ALG9: variants seen among roughly 807,000 people sequenced by gnomAD.
ALG9 encodes ALG9 alpha-1,2-mannosyltransferase.
ALG9 carries 55 observed loss-of-function variants against 81.8 expected under a neutral mutation model. The ratio of observed to expected loss-of-function variants is 0.67; its 90% CI spans 0.54 to 0.84. The LOEUF is 0.84. Among genes scored for constraint, ALG9 ranks in the 40% least tolerant of loss-of-function variants. The probability of loss-of-function intolerance (pLI) is 0.00; values close to 1 mark genes in which losing one functional copy is unlikely to be tolerated. For missense variants in ALG9, 629 were observed against 745.0 expected (o/e 0.84, Z 1.81); for synonymous variants, 278 against 274.3 (o/e 1.01, Z -0.13).
At position 111,870,390 on chromosome 11, in the gene ALG9, A is replaced by G; in HGVS notation, c.132-20T>C. ...GATAACCTGTTCAAAAGCAAAAAAA[A>G]AAAAAAAAAAAAAAGCATGTCAGGA... is the stretch of plus-strand genomic sequence containing the variant. On this transcript the variant is annotated intron_variant, in intron 1 of 14. Coordinates refer to ENST00000616540, the MANE Select transcript of ALG9 (RefSeq NM_024740.2). The G allele has an allele frequency of 6.6e-7, 1 of 1,504,798 alleles. No homozygotes were observed. The highest frequency in any genetic ancestry group is 8.9e-7 in the Non-Finnish European group (1 of 1,129,534). The allele number at this position is 1,504,798 out of a possible 1,614,324, so 93.2% of individuals were successfully genotyped here. A position where few individuals can be genotyped will look rare whatever the true frequency, so the allele number is the denominator to read the frequency against.
rs546089281 is a variant in ALG9, at chr11:111,870,382, C to G, written c.132-12G>C. 2 of 973,966 alleles carry G rather than the reference C, an allele frequency of 2.1e-6. No individual in the cohort carries two copies. The highest frequency in any genetic ancestry group is 9.2e-5 in the Admixed American group (1 of 10,856). The allele number at this position is 973,966 out of a possible 1,614,324, so 60.3% of individuals were successfully genotyped here. A position where few individuals can be genotyped will look rare whatever the true frequency, so the allele number is the denominator to read the frequency against. On this transcript the variant is annotated splice_polypyrimidine_tract_variant and intron_variant, in intron 1 of 14. Coordinates refer to ENST00000616540, the MANE Select transcript of ALG9 (RefSeq NM_024740.2). ...TGTTCCCAGATAACCTGTTCAAAAG[C>G]AAAAAAAAAAAAAAAAAAAAAAGCA...
intron 8 of ALG9, among the ~76,000 whole-genome samples, chr11:111,847,868 C>T (rs1957160137): frequency 6.6e-6 from 1 of 152,160 alleles, no homozygotes; most frequent in Non-Finnish European, 1.5e-5. Flanking sequence ...GATCACTTTC[C>T]AAACCAAAAT....
chr11:111,848,531 G>A (rs1256969190), intron 8 of ALG9, among the ~76,000 whole-genome samples: 2 of 150,674 alleles, frequency 1.3e-5, no homozygotes, highest in East Asian at 3.9e-4. Context: ...CAGAGGTTGC[G>A]GGGAGTCGAG....
chr11:111,814,664 T>C (rs1951216080), intron 13 of ALG9: 1 of 152,210 alleles, frequency 6.6e-6, no homozygotes, highest in South Asian at 2.1e-4. Flanking sequence ...CCCAGCATTA[T>C]TTATATGTAA....
the ALG9 span, among the ~76,000 whole-genome samples, chr11:111,775,702 C>A: frequency 3.3e-5 from 5 of 151,996 alleles, no homozygotes; most frequent in Non-Finnish European, 7.4e-5. Context: ...TAGTGAGACC[C>A]CATCTCTAAA....
chr11:111,837,414 A>T (rs1955490255), intron 12 of ALG9, 54 bp downstream of exon 12: 2 of 1,601,766 alleles, frequency 1.2e-6, no homozygotes, highest in Non-Finnish European at 1.7e-6. Flanking sequence ...ACTGATATAG[A>T]ACTGCTCTAT....
chr11:111,816,042 T>C (rs1951422044), intron 13 of ALG9, among the ~76,000 whole-genome samples: 1 of 152,226 alleles, frequency 6.6e-6, no homozygotes, highest in African/African-American at 2.4e-5. Context: ...CACCAAATGA[T>C]ATCAAAATAA....
chr11:111,838,409 G>T lies in ALG9; in HGVS notation c.1174-10C>A, dbSNP rs782325784. 6.2e-7 allele frequency: 1 copy of T among 1,602,804 alleles called. No individual in the cohort carries two copies. Among genetic ancestry groups the T allele is most frequent in the African/African-American group, 1.3e-5 (1 of 74,568 alleles). ...AGTACAGAAAACTGTGCTGATAAAA[G>T]AAAATATAATTTGTAGAATATACAT... On this transcript the variant is annotated splice_polypyrimidine_tract_variant and intron_variant, in intron 10 of 14. Transcript: ENST00000616540.
chr11:111,870,166 C>T (rs1963840219), intron 2 of ALG9, 66 bp downstream of exon 2: 3 of 1,508,120 alleles, frequency 2.0e-6, no homozygotes, highest in African/African-American at 1.4e-5. Context: ...ATTTGTCTCT[C>T]GATTGGTAAT....
downstream of ALG9, among the ~76,000 whole-genome samples, chr11:111,780,382 G>GTT (rs1222140226): frequency 7.1e-6 from 1 of 140,602 alleles, no homozygotes; most frequent in African/African-American, 2.6e-5. Context: ...ATAATTTGCC[G>GTT]TTTTTTTTTT....
At chr11:111,807,790 CA>C (rs200622430) in intron 14 of ALG9, among the ~76,000 whole-genome samples, 3 of 151,228 alleles carry the variant, frequency 2.0e-5, no homozygotes, top group Admixed American at 1.3e-4. Flanking sequence ...GACCCCGTCT[CA>C]AAAAAAAAAT....
At chr11:111,836,682 T>A in intron 12 of ALG9, 1 of 264,110 alleles carries the variant, frequency 3.8e-6, no homozygotes, top group Non-Finnish European at 7.4e-6. Flanking sequence ...GAACACACTA[T>A]GGGAGAAATA....
the ALG9 span, among the ~76,000 whole-genome samples, chr11:111,774,069 T>TA: frequency 0.035 from 2,426 of 69,436 alleles, 148 homozygotes; most frequent in African/African-American, 0.096. Flanking sequence ...CATATCTTAT[T>TA]AAAAAAAAAA....
intron 2 of ALG9, among the ~76,000 whole-genome samples, chr11:111,869,828 T>C (rs781911876): frequency 3.3e-5 from 5 of 152,164 alleles, no homozygotes; most frequent in Admixed American, 1.3e-4. Flanking sequence ...TCTCTGTTTT[T>C]TGAGACAGAG....
At chr11:111,835,538 A>G (rs1157158989) in intron 13 of ALG9, among the ~76,000 whole-genome samples, 1 of 152,234 alleles carries the variant, frequency 6.6e-6, no homozygotes, top group African/African-American at 2.4e-5. Flanking sequence ...TGATAACTTG[A>G]AAGTTCCTCA....
At chr11:111,768,195 A>G in the ALG9 span, among the ~76,000 whole-genome samples, 1 of 152,252 alleles carries the variant, frequency 6.6e-6, no homozygotes, top group East Asian at 1.9e-4. Flanking sequence ...ATCAGGAGTC[A>G]CTTGGTGGCA....
intron 13 of ALG9, among the ~76,000 whole-genome samples, chr11:111,819,637 G>A (rs1952014996): frequency 6.6e-6 from 1 of 152,234 alleles, no homozygotes; most frequent in Admixed American, 6.5e-5. Context: ...GCTGACATAT[G>A]TTATTAATTT....
chr11:111,784,267 C>G lies in ALG9; in HGVS notation c.*2130G>C, dbSNP rs1946239613. 1 of 152,180 alleles carries G rather than the reference C, an allele frequency of 6.6e-6. No homozygotes were observed. Among genetic ancestry groups the G allele is most frequent in the African/African-American group, 2.4e-5 (1 of 41,420 alleles). The allele number at this position is 152,180 out of a possible 1,614,324, so 9.4% of individuals were successfully genotyped here. ...AGTTATTGTTCTGTACTGTCTAGAC[C>G]TATTACCTCTCCAGCGCTTCAACTC... On this transcript the variant is annotated 3_prime_UTR_variant, in exon 15 of 15. Transcript: ENST00000616540.
In ALG9 at chr11:111,804,627, C is replaced by A. The variant is rs75488387; in HGVS notation, c.1733+5016G>T. Among the ~76,000 whole-genome samples the A allele has an allele frequency of 1.8e-3, 273 of 152,182 alleles. 2 individuals are homozygous for A. The highest frequency in any genetic ancestry group is 6.2e-3 in the African/African-American group (256 of 41,536). ...AAAAACCCAACACTAAGAAAATGAA[C>A]AACCGGATTAAAAAATGCCCAAAGA... is the stretch of plus-strand genomic sequence containing the variant. On this transcript the variant is annotated intron_variant, in intron 14 of 14. Transcript: ENST00000616540.
Sources: allele counts gnomAD v4.1 joint callset (sites outside exome capture counted in the v4.1 genomes callset), GRCh38; gene constraint gnomAD v4.1.1; transcripts MANE v1.5; gene names NCBI Gene and HGNC (gene_info 2026-07-23, HGNC 2026-07-21).